The following RAB35 variants were observed in gnomAD, a reference collection of about 807,000 sequenced individuals.
RAB35 encodes the protein ras-related protein Rab-35.
A neutral mutation model predicts 28.9 loss-of-function variants in RAB35; 4 were observed. The ratio of observed to expected loss-of-function variants is 0.14; its 90% CI spans 0.07 to 0.32. The LOEUF is 0.32. Ranked by LOEUF, RAB35 falls within the 10% of genes least tolerant of loss-of-function variation. RAB35 has a pLI of 1.00. For missense variants in RAB35, 128 were observed against 274.0 expected (o/e 0.47, Z 3.76); for synonymous variants, 99 against 105.1 (o/e 0.94, Z 0.35).
At position 120,095,729 on chromosome 12, in the gene RAB35, A is replaced by G. The variant is rs1414383036; in HGVS notation, c.*1516T>C. 6.6e-6 allele frequency: 1 copy of G among 152,242 alleles called. No homozygotes were observed. Among genetic ancestry groups the G allele is most frequent in the African/African-American group, 2.4e-5 (1 of 41,460 alleles). 9.4% of individuals were successfully genotyped at this position (152,242 alleles called of 1,614,324 possible). A position where few individuals can be genotyped will look rare whatever the true frequency, so the allele number is the denominator to read the frequency against. ...TCACCAGCTTTTGGCAGTTTGGGCA[A>G]GTGGAGAGTCGGTGAGAAGAAACCC... On this transcript the variant is annotated 3_prime_UTR_variant, in exon 6 of 6. Coordinates refer to ENST00000229340, the MANE Select transcript of RAB35 (RefSeq NM_006861.7).
In RAB35 at chr12:120,103,807, A is replaced by C; in HGVS notation, c.227+19T>G. Reference sequence around the variant, plus strand: ...AGGTCAGTGGCGCGGGTTGGGTGGGAGTGGGCGTGTGGACTCACGTGGAGG... The same window carrying C: ...AGGTCAGTGGCGCGGGTTGGGTGGGCGTGGGCGTGTGGACTCACGTGGAGG... On this transcript the variant is annotated intron_variant, in intron 3 of 5. Transcript: ENST00000229340. The surrounding 1 kb of genome is among the most constrained non-coding windows in gnomAD (Gnocchi z 6.1). The C allele has an allele frequency of 1.9e-6, 3 of 1,613,000 alleles. No individual in the cohort carries two copies. Among genetic ancestry groups the C allele is most frequent in the Non-Finnish European group, 2.5e-6 (3 of 1,179,530 alleles).
At chr12:120,098,981 G>A (rs1401201210) in intron 4 of RAB35, 46 bp from the exon 5 acceptor site, 1 of 1,613,724 alleles carries the variant, frequency 6.2e-7, no homozygotes, top group South Asian at 1.1e-5. Context: ...GGCGCAGCCG[G>A]CTGCCTCTCT....
chr12:120,101,974 T>G (rs1158597120), intron 3 of RAB35, among the ~76,000 whole-genome samples: 1 of 152,182 alleles, frequency 6.6e-6, no homozygotes, highest in Non-Finnish European at 1.5e-5. Context: ...CAGGCCCCAC[T>G]GCCCTGCCCA....
At chr12:120,102,731 G>T (rs1052919741) in intron 3 of RAB35, among the ~76,000 whole-genome samples, 1 of 152,188 alleles carries the variant, frequency 6.6e-6, no homozygotes, top group Non-Finnish European at 1.5e-5. Context: ...CGGGGGCAGG[G>T]GCAGCCAGCC....
Position 120,103,517 on chromosome 12 carries a change from T to C in RAB35, c.227+309A>G, listed in dbSNP as rs530655780. 6.6e-6 allele frequency among the ~76,000 whole-genome samples: 1 copy of C among 152,360 alleles called. No individual in the cohort carries two copies. Among genetic ancestry groups the C allele is most frequent in the African/African-American group, 2.4e-5 (1 of 41,588 alleles). On this transcript the variant is annotated intron_variant, in intron 3 of 5. Coordinates refer to ENST00000229340, the MANE Select transcript of RAB35 (RefSeq NM_006861.7). This position sits in a 1 kb window ranked among gnomAD's most constrained non-coding sequence, Gnocchi z 6.1. ...CCCCCTAGCGAGGCAAATGCTATTC[T>C]GCTCTCTCTGTAAGGTGACGGCACA...
chr12:120,103,736 T>G lies in RAB35; in HGVS notation c.227+90A>C. On this transcript the variant is annotated intron_variant, in intron 3 of 5. Transcript: ENST00000229340. The surrounding 1 kb of genome is among the most constrained non-coding windows in gnomAD (Gnocchi z 6.1). ...CCCGACAGCCTCAGGGACCCACCAG[T>G]GACATTTCCACCATGACCAGGCACC... 314 of 1,544,266 alleles carry G rather than the reference T, an allele frequency of 2.0e-4. No individual in the cohort carries two copies. Among genetic ancestry groups the G allele is most frequent in the Non-Finnish European group, 2.5e-4 (283 of 1,139,238 alleles).
In RAB35 at chr12:120,097,195, C is replaced by T. The variant is rs375418695; in HGVS notation, c.*50G>A. 34 of 1,613,286 alleles carry T rather than the reference C, an allele frequency of 2.1e-5. No individual in the cohort carries two copies. Among genetic ancestry groups the T allele is most frequent in the South Asian group, 6.6e-5 (6 of 91,016 alleles). On this transcript the variant is annotated 3_prime_UTR_variant, in exon 6 of 6. Transcript: ENST00000229340. ...TCCCCCGAGGAACCTCCGTGGGCCT[C>T]GGGCTGGGGGAGGGACCGCAGTGCA...
In RAB35 at chr12:120,096,767, C is replaced by T. The variant is rs1002660892; in HGVS notation, c.*478G>A. 7 of 1,290,202 alleles carry T rather than the reference C, an allele frequency of 5.4e-6. No individual in the cohort carries two copies. Among genetic ancestry groups the T allele is most frequent in the South Asian group, 2.5e-5 (2 of 81,042 alleles). 79.9% of individuals were successfully genotyped at this position (1,290,202 alleles called of 1,614,324 possible). The stretch of plus-strand genomic sequence containing the variant: ...AACCTGTCGGAGAGAATGAGCAACG[C>T]GGAGCCCACTCCACTGGCACGGGCT... On this transcript the variant is annotated 3_prime_UTR_variant, in exon 6 of 6. Transcript: ENST00000229340.
chr12:120,097,182 C>A lies in RAB35; in HGVS notation c.*63G>T. The A allele has an allele frequency of 2.5e-6, 4 of 1,613,442 alleles. No homozygotes were observed. Among genetic ancestry groups the A allele is most frequent in the South Asian group, 2.2e-5 (2 of 91,020 alleles). On this transcript the variant is annotated 3_prime_UTR_variant, in exon 6 of 6. Coordinates refer to ENST00000229340, the MANE Select transcript of RAB35 (RefSeq NM_006861.7). ...GAAACTGAGACTGTCCCCCGAGGAA[C>A]CTCCGTGGGCCTCGGGCTGGGGGAG...
intron 2 of RAB35, among the ~76,000 whole-genome samples, chr12:120,107,081 C>T (rs150862486): frequency 2.4e-4 from 36 of 152,154 alleles, no homozygotes; most frequent in African/African-American, 4.1e-4. Flanking sequence ...CTCCCTCTCC[C>T]GGATTCAAGC....
Position 120,096,734 on chromosome 12 carries a change from A to G in RAB35, c.*511T>C. The G allele has an allele frequency of 7.8e-7, 1 of 1,290,024 alleles. No homozygotes were observed. Among genetic ancestry groups the G allele is most frequent in the South Asian group, 1.2e-5 (1 of 81,028 alleles). The allele number at this position is 1,290,024 out of a possible 1,614,324, so 79.9% of individuals were successfully genotyped here. A position where few individuals can be genotyped will look rare whatever the true frequency, so the allele number is the denominator to read the frequency against. Reference sequence around the variant, plus strand: ...GCAAGACCCTGTGCAGCGGGGACAGAGGCTGACAACCTGTCGGAGAGAATG... The same window carrying G: ...GCAAGACCCTGTGCAGCGGGGACAGGGGCTGACAACCTGTCGGAGAGAATG... On this transcript the variant is annotated 3_prime_UTR_variant, in exon 6 of 6. Coordinates refer to ENST00000229340, the MANE Select transcript of RAB35 (RefSeq NM_006861.7).
chr12:120,103,747 C>T lies in RAB35; in HGVS notation c.227+79G>A, dbSNP rs770865371. ...CAGGGACCCACCAGTGACATTTCCA[C>T]CATGACCAGGCACCGGTCGCTCAAC... On this transcript the variant is annotated intron_variant, in intron 3 of 5. Transcript: ENST00000229340. This position sits in a 1 kb window ranked among gnomAD's most constrained non-coding sequence, Gnocchi z 6.1. 4 of 1,567,882 alleles carry T rather than the reference C, an allele frequency of 2.6e-6. No individual in the cohort carries two copies. The highest frequency in any genetic ancestry group is 3.5e-6 in the Non-Finnish European group (4 of 1,154,888).
Position 120,096,597 on chromosome 12 carries a change from C to T in RAB35, c.*648G>A, listed in dbSNP as rs1411312569. On this transcript the variant is annotated 3_prime_UTR_variant, in exon 6 of 6. Coordinates refer to ENST00000229340, the MANE Select transcript of RAB35 (RefSeq NM_006861.7). ...GTTGGCCAAAGGGCAAGACCTGCCA[C>T]CTCTGTGGAACTGCAGGGCCTGCCT... 2 of 1,289,896 alleles carry T rather than the reference C, an allele frequency of 1.6e-6. No homozygotes were observed. The highest frequency in any genetic ancestry group is 1.2e-5 in the South Asian group (1 of 81,036). The allele number at this position is 1,289,896 out of a possible 1,614,324, so 79.9% of individuals were successfully genotyped here.
intron 2 of RAB35, among the ~76,000 whole-genome samples, chr12:120,105,073 C>A (rs1355442045): frequency 6.6e-6 from 1 of 152,156 alleles, no homozygotes; most frequent in African/African-American, 2.4e-5. Context: ...CACACACACA[C>A]ACAATTATGT....
intron 2 of RAB35, among the ~76,000 whole-genome samples, chr12:120,107,868 A>G (rs1201667891): frequency 2.1e-5 from 2 of 97,246 alleles, no homozygotes. Context: ...CTCCATCTCA[A>G]AAAAAAAAAA....
chr12:120,112,851 C>T (rs74345134), intron 1 of RAB35, among the ~76,000 whole-genome samples: 1 of 151,178 alleles, frequency 6.6e-6, no homozygotes, highest in African/African-American at 2.4e-5. Context: ...CAGCCTCCCA[C>T]ATAGCTGGGA....
intron 5 of RAB35, 110 bp from the exon 6 acceptor site, chr12:120,097,483 T>C (rs1441488966): frequency 7.3e-6 from 6 of 818,170 alleles, no homozygotes; most frequent in South Asian, 5.2e-5. Flanking sequence ...TACCTGTGCA[T>C]TTTTGGTATG....
Position 120,103,758 on chromosome 12 carries a change from C to T in RAB35, c.227+68G>A, listed in dbSNP as rs577223044. 3 of 1,582,900 alleles carry T rather than the reference C, an allele frequency of 1.9e-6. No individual in the cohort carries two copies. In the East Asian group the frequency reaches 6.8e-5, roughly 36 times the overall value. On this transcript the variant is annotated intron_variant, in intron 3 of 5. Coordinates refer to ENST00000229340, the MANE Select transcript of RAB35 (RefSeq NM_006861.7). The surrounding 1 kb of genome is among the most constrained non-coding windows in gnomAD (Gnocchi z 6.1). ...CAGTGACATTTCCACCATGACCAGG[C>T]ACCGGTCGCTCAACTGTGTCCACAG...
At position 120,109,650 on chromosome 12, in the gene RAB35, G is replaced by A. The variant is rs537019441; in HGVS notation, c.53-1183C>T. Reference sequence around the variant, plus strand: ...AGTAGGGACAGAGTCTGGCTACGTTGCCCAGGCTTTTTTTTTTTTTTTTTT... The same window carrying A: ...AGTAGGGACAGAGTCTGGCTACGTTACCCAGGCTTTTTTTTTTTTTTTTTT... On this transcript the variant is annotated intron_variant, in intron 1 of 5. Transcript: ENST00000229340. Among the ~76,000 whole-genome samples, 38 of 145,296 alleles carry A rather than the reference G, an allele frequency of 2.6e-4. No homozygotes were observed. In the East Asian group the frequency reaches 7.1e-3, roughly 27 times the overall value.
Sources: allele counts gnomAD v4.1 joint callset (sites outside exome capture counted in the v4.1 genomes callset), GRCh38; gene constraint gnomAD v4.1.1; non-coding constraint Gnocchi (gnomAD v3.1); transcripts MANE v1.5; gene names NCBI Gene and HGNC (gene_info 2026-07-23, HGNC 2026-07-21).